Variants in MGAT5 observed in about 807,000 individuals in gnomAD.
The protein encoded by MGAT5 is alpha-1,6-mannosylglycoprotein 6-beta-N-acetylglucosaminyltransferase A.
MGAT5 carries 30 observed loss-of-function variants against 94.3 expected under a neutral mutation model. The ratio of observed to expected loss-of-function variants is 0.32; its 90% CI spans 0.24 to 0.43. MGAT5 has a LOEUF of 0.43. MGAT5 is among the 20% of genes least tolerant of loss of function. The probability of loss-of-function intolerance (pLI) is 1.00; values close to 1 mark genes in which losing one functional copy is unlikely to be tolerated. For synonymous variants in MGAT5, 310 were observed against 322.9 expected, an observed-to-expected ratio of 0.96 and a Z score of 0.43; for missense variants, 691 against 905.5, an observed-to-expected ratio of 0.76 and a Z score of 3.04.
At chr2:134,213,427 GT>G (rs1028564428) in intron 1 of MGAT5, among the ~76,000 whole-genome samples, 2 of 151,488 alleles carry the variant, frequency 1.3e-5, no homozygotes, top group African/African-American at 4.8e-5. Context: ...AAATGTGGGT[GT>G]TTTTTTCCCC....
At chr2:134,220,748 C>T (rs1680720317) in intron 1 of MGAT5, among the ~76,000 whole-genome samples, 1 of 152,138 alleles carries the variant, frequency 6.6e-6, no homozygotes, top group South Asian at 2.1e-4. Flanking sequence ...AGTCTGTGTG[C>T]TCGCTCTTGT....
rs1454081815 is a variant in MGAT5 at position 134,448,868 on chromosome 2, C to T, written c.*21C>T. On this transcript the variant is annotated 3_prime_UTR_variant, in exon 16 of 16. Coordinates refer to ENST00000281923, the MANE Select transcript of MGAT5 (RefSeq NM_002410.5). ...TATAGCAGCTACCTGCTCAGCCCTG[C>T]ACCATGCTGCTGGGGAAGACAGTGG... is the stretch of plus-strand genomic sequence containing the variant. 3.7e-6 allele frequency: 6 copies of T among 1,606,650 alleles called. No individual in the cohort carries two copies. Among genetic ancestry groups the T allele is most frequent in the East Asian group, 2.2e-5 (1 of 44,698 alleles).
At chr2:134,156,737 G>C (rs761661686) in intron 1 of MGAT5, among the ~76,000 whole-genome samples, 12 of 152,196 alleles carry the variant, frequency 7.9e-5, no homozygotes, top group Non-Finnish European at 1.5e-4. Context: ...TTCGAGGGCT[G>C]TGATCCCCTC....
chr2:134,394,252 A>G (rs368099580), intron 10 of MGAT5, among the ~76,000 whole-genome samples: 8 of 152,224 alleles, frequency 5.3e-5, no homozygotes, highest in African/African-American at 1.9e-4. Flanking sequence ...ACAAGAAAGC[A>G]ATTACTTTTC....
rs1558978169 is a variant in MGAT5 at position 134,189,608 on chromosome 2, T to TTTG, written c.-142-64652_-142-64651insGTT. Among the ~76,000 whole-genome samples, 131 of 92,348 alleles carry TTTG rather than the reference T, an allele frequency of 1.4e-3. 3 individuals carry two copies. The highest frequency in any genetic ancestry group is 6.0e-3 in the African/African-American group (125 of 21,004). The allele number at this position is 92,348 out of a possible 152,430, so 60.6% of individuals were successfully genotyped here. A position where few individuals can be genotyped will look rare whatever the true frequency, so the allele number is the denominator to read the frequency against. ...ATGGCTCTAGTTTTTTTTTGTTTTTTTTTTTTTTTTTTAAGACAGAGTCTC... is the reference window on the plus strand; with the variant it reads ...ATGGCTCTAGTTTTTTTTTGTTTTTTTTGTTTTTTTTTTTTAAGACAGAGTCTC... On this transcript the variant is annotated intron_variant, in intron 1 of 16. Transcript: ENST00000409645.
chr2:134,371,040 A>G (rs1680763419), intron 10 of MGAT5, among the ~76,000 whole-genome samples: 1 of 152,174 alleles, frequency 6.6e-6, no homozygotes, highest in African/African-American at 2.4e-5. Context: ...AGCAAGCTTT[A>G]TGCAATCGTC....
At chr2:134,129,639 G>A (rs2104900356) in intron 1 of MGAT5, among the ~76,000 whole-genome samples, 1 of 151,200 alleles carries the variant, frequency 6.6e-6, no homozygotes, top group Admixed American at 6.6e-5. Context: ...ATTTAAATAA[G>A]GTTTGAGGTC....
chr2:134,352,264 C>T (rs751264693), intron 9 of MGAT5, among the ~76,000 whole-genome samples: 7 of 152,152 alleles, frequency 4.6e-5, no homozygotes, highest in Non-Finnish European at 8.8e-5. Context: ...GCATTTAGTG[C>T]AGCACTAGTT....
Position 134,376,889 on chromosome 2 carries a change from T to G in MGAT5, c.1380+14481T>G, listed in dbSNP as rs139207346. ...TTCCTACCAGCACCATCCAAGATGG[T>G]AACTCAGTAGGCCCAGACAAATCCT... On this transcript the variant is annotated intron_variant, in intron 10 of 15. Transcript: ENST00000281923. 4.4e-3 allele frequency among the ~76,000 whole-genome samples: 677 copies of G among 152,304 alleles called. 4 individuals are homozygous for G. Among genetic ancestry groups the G allele is most frequent in the Middle Eastern group, 0.024 (7 of 294 alleles).
chr2:134,341,706 G>C lies in MGAT5; in HGVS notation c.924G>C (p.Leu308=), dbSNP rs751577001. The C allele has an allele frequency of 6.2e-7, 1 of 1,613,460 alleles. No individual in the cohort carries two copies. The highest frequency in any genetic ancestry group is 8.5e-7 in the Non-Finnish European group (1 of 1,179,668). ...LVQWSDLITS[L]YLLGHDIRIS... The stretch of plus-strand genomic sequence containing the variant: ...AATGGAGTGATTTAATTACATCTCT[G>C]TACTTACTGGGCCATGACATTAGGA... The change falls in exon 7 of 16, where the codon CTG becomes CTC. Residue 308 remains leucine (L), a synonymous_variant. Coordinates refer to ENST00000281923, the MANE Select transcript of MGAT5 (RefSeq NM_002410.5).
At chr2:134,228,072 A>T (rs955683174) in intron 1 of MGAT5, among the ~76,000 whole-genome samples, 1 of 152,214 alleles carries the variant, frequency 6.6e-6, no homozygotes, top group Non-Finnish European at 1.5e-5. Flanking sequence ...AATCTTTTTG[A>T]TAAAAGAGGA....
intron 1 of MGAT5, among the ~76,000 whole-genome samples, chr2:134,138,200 T>C (rs1419480601): frequency 9.5e-6 from 1 of 105,674 alleles, no homozygotes; most frequent in African/African-American, 3.9e-5. Flanking sequence ...AAGAAGCTGT[T>C]CTTCTATCAT....
chr2:134,272,570 GA>G (rs1684096737), intron 2 of MGAT5, among the ~76,000 whole-genome samples: 1 of 152,058 alleles, frequency 6.6e-6, no homozygotes. Context: ...GGGTGACTCA[GA>G]AAAAAATTGG....
chr2:134,154,776 A>G (rs1469151989), intron 1 of MGAT5, among the ~76,000 whole-genome samples: 1 of 152,092 alleles, frequency 6.6e-6, no homozygotes, highest in African/African-American at 2.4e-5. Flanking sequence ...GACTCTCTCT[A>G]ATGAGCTGTG....
chr2:134,396,642 G>A (rs574152112), intron 10 of MGAT5, among the ~76,000 whole-genome samples: 74 of 152,326 alleles, frequency 4.9e-4, no homozygotes, highest in Admixed American at 9.1e-4. Context: ...GGAATGTGCC[G>A]TGCCCGAGAT....
chr2:134,312,252 AC>A, intron 2 of MGAT5, among the ~76,000 whole-genome samples: 1 of 152,150 alleles, frequency 6.6e-6, no homozygotes, highest in East Asian at 1.9e-4. Flanking sequence ...AAACAAAACA[AC>A]AAAAAAAAAT....
intron 10 of MGAT5, among the ~76,000 whole-genome samples, chr2:134,388,437 T>TA (rs59205707): frequency 0.053 from 7,799 of 148,384 alleles, 584 homozygotes; most frequent in African/African-American, 0.16. Flanking sequence ...TGAAGATCTT[T>TA]AAAAAAAAAA....
chr2:134,123,156 A>G (rs1468739615), intron 1 of MGAT5, among the ~76,000 whole-genome samples: 1 of 152,118 alleles, frequency 6.6e-6, no homozygotes, highest in Non-Finnish European at 1.5e-5. Flanking sequence ...AAAATAAGCA[A>G]CTTACCTTCT....
At position 134,398,942 on chromosome 2, in the gene MGAT5, A is replaced by C. The variant is rs372225732; in HGVS notation, c.1381-4046A>C. Among the ~76,000 whole-genome samples, 16 of 152,344 alleles carry C rather than the reference A, an allele frequency of 1.1e-4. No individual in the cohort carries two copies. In the East Asian group the frequency reaches 3.1e-3, roughly 29 times the overall value. Reference sequence around the variant, plus strand: ...GGGTAGGTGGGAATAAAGAGTAGTGAGTTAATGTGCAAACATAAAGGTGGA... The same window carrying C: ...GGGTAGGTGGGAATAAAGAGTAGTGCGTTAATGTGCAAACATAAAGGTGGA... On this transcript the variant is annotated intron_variant, in intron 10 of 15. Transcript: ENST00000281923.
Sources: allele counts gnomAD v4.1 joint callset (sites outside exome capture counted in the v4.1 genomes callset), GRCh38; gene constraint gnomAD v4.1.1; transcripts MANE v1.5; gene names NCBI Gene and HGNC (gene_info 2026-07-23, HGNC 2026-07-21).